Variants in ARHGAP32 observed in about 807,000 individuals in gnomAD.
The protein encoded by ARHGAP32 is Rho GTPase activating protein 32, also known as rho GTPase-activating protein 32.
A neutral mutation model predicts 186.5 loss-of-function variants in ARHGAP32; 51 were observed. That is an observed-to-expected ratio of 0.27 (90% CI 0.22 to 0.35). The LOEUF is 0.35. Ranked by LOEUF, ARHGAP32 falls within the 10% of genes least tolerant of loss-of-function variation. The probability of loss-of-function intolerance (pLI) is 1.00; values close to 1 mark genes in which losing one functional copy is unlikely to be tolerated. For missense variants in ARHGAP32, 2,186 were observed against 2,623.5 expected, an observed-to-expected ratio of 0.83 and a Z score of 3.64; for synonymous variants, 950 against 964.3, an observed-to-expected ratio of 0.99 and a Z score of 0.27.
intron 1 of ARHGAP32, among the ~76,000 whole-genome samples, chr11:129,243,886 T>G (rs1242261062): frequency 6.6e-6 from 1 of 152,224 alleles, no homozygotes; most frequent in Non-Finnish European, 1.5e-5. Context: ...CTGTGACACT[T>G]TCTTGTGTCA....
At chr11:129,032,100 G>T (rs963501842) in intron 11 of ARHGAP32, among the ~76,000 whole-genome samples, 12 of 152,114 alleles carry the variant, frequency 7.9e-5, no homozygotes, top group African/African-American at 2.7e-4. Context: ...GATTCTTCCT[G>T]GACCCCAGAC....
chr11:129,136,137 C>T (rs1942931635), intron 2 of ARHGAP32, among the ~76,000 whole-genome samples: 1 of 151,882 alleles, frequency 6.6e-6, no homozygotes, highest in South Asian at 2.1e-4. Flanking sequence ...AAAAAGACAA[C>T]CTAACAGAAA....
rs946838741 is a variant in ARHGAP32 at position 128,969,679 on chromosome 11, T to C, written c.5534A>G (p.His1845Arg). The change falls in exon 23 of 23, where the codon CAT (histidine) becomes CGT (arginine). Residue 1845 changes from histidine (H) to arginine (R), a missense_variant. Physicochemically the swap from His to Arg is conservative, Grantham distance 29. This residue lies in a region of ARHGAP32 where 1,502 missense variants were observed against 1,570.0 expected (regional missense o/e 0.96). Transcript: ENST00000682385. This position sits in a 1 kb window ranked among gnomAD's most constrained non-coding sequence, Gnocchi z 4.8. Reference protein sequence around the residue: ...PEGEDRFYRRHPEAEMDRAHH... With the variant: ...PEGEDRFYRRRPEAEMDRAHH... ...GGCTCTGTCCATCTCTGCCTCGGGA[T>C]GCCTCCTATAGAAGCGGTCCTCTCC... The C allele has an allele frequency of 6.2e-7, 1 of 1,614,048 alleles. No individual in the cohort carries two copies. Among genetic ancestry groups the C allele is most frequent in the African/African-American group, 1.3e-5 (1 of 74,926 alleles).
chr11:129,225,367 G>T (rs1031924519), intron 1 of ARHGAP32, among the ~76,000 whole-genome samples: 3 of 152,162 alleles, frequency 2.0e-5, no homozygotes, highest in Non-Finnish European at 4.4e-5. Flanking sequence ...GAGGCTCTGT[G>T]CAAGAAGGAA....
chr11:129,211,983 G>A (rs932579579), intron 1 of ARHGAP32, among the ~76,000 whole-genome samples: 1 of 151,830 alleles, frequency 6.6e-6, no homozygotes, highest in Non-Finnish European at 1.5e-5. Context: ...AGTGAGACTT[G>A]GTCTCCACAA....
At chr11:129,148,419 T>C (rs993597087) in intron 2 of ARHGAP32, among the ~76,000 whole-genome samples, 7 of 151,966 alleles carry the variant, frequency 4.6e-5, no homozygotes, top group African/African-American at 1.7e-4. Flanking sequence ...ATGAAAAACA[T>C]AAAAGTGGAA....
At chr11:129,065,131 A>C (rs990350848) in intron 7 of ARHGAP32, among the ~76,000 whole-genome samples, 198 bp from the exon 8 acceptor site, 3 of 152,116 alleles carry the variant, frequency 2.0e-5, no homozygotes, top group Admixed American at 2.0e-4. Context: ...GCAGAGCTTC[A>C]ATTTCTAGCC....
chr11:129,102,924 C>G (rs1328700290), intron 5 of ARHGAP32, among the ~76,000 whole-genome samples: 1 of 152,142 alleles, frequency 6.6e-6, no homozygotes, highest in Non-Finnish European at 1.5e-5. Context: ...ATTTGTAAAC[C>G]CATGTTCACA....
intron 11 of ARHGAP32, among the ~76,000 whole-genome samples, chr11:129,025,196 C>A (rs1000960271): frequency 8.5e-5 from 13 of 152,116 alleles, no homozygotes; most frequent in Admixed American, 8.5e-4. Flanking sequence ...GATGAGGAGA[C>A]TAAGGCAGAG....
chr11:128,970,801 A>G lies in ARHGAP32; in HGVS notation c.4412T>C (p.Leu1471Ser), dbSNP rs762813056. Reference sequence around the variant, plus strand: ...CTTAGGTTGTGGGACAGGAAGTGGTAAAGGCAATGCATCGTCCACAGAGGT... The same window carrying G: ...CTTAGGTTGTGGGACAGGAAGTGGTGAAGGCAATGCATCGTCCACAGAGGT... ...SSTSVDDALP[L>S]PLPVPQPKHA... Residue 1471 changes from leucine to serine, a missense_variant, in exon 23 of 23, where the codon TTA (leucine) becomes TCA (serine). Around this residue, in one of 5 missense-constraint regions of ARHGAP32, gnomAD observed 1,502 missense variants for 1,570.0 expected, o/e 0.96. Transcript: ENST00000682385. The surrounding 1 kb of genome is among the most constrained non-coding windows in gnomAD (Gnocchi z 5.8). 15 of 1,614,124 alleles carry G rather than the reference A, an allele frequency of 9.3e-6. No homozygotes were observed. Among genetic ancestry groups the G allele is most frequent in the Non-Finnish European group, 1.3e-5 (15 of 1,180,042 alleles).
chr11:129,003,490 C>A (rs1042748313), intron 11 of ARHGAP32, among the ~76,000 whole-genome samples: 8 of 152,162 alleles, frequency 5.3e-5, no homozygotes, highest in African/African-American at 1.9e-4. Context: ...TGGTAAAATT[C>A]AGCAGTTAAG....
At chr11:129,214,678 T>C (rs562941368) in intron 1 of ARHGAP32, among the ~76,000 whole-genome samples, 7 of 152,334 alleles carry the variant, frequency 4.6e-5, no homozygotes, top group South Asian at 2.1e-4. Flanking sequence ...GATGCAAATT[T>C]GTTTCAAATT....
intron 1 of ARHGAP32, among the ~76,000 whole-genome samples, chr11:129,228,453 TC>T (rs761175396): frequency 7.3e-4 from 111 of 152,248 alleles, no homozygotes; most frequent in Non-Finnish European, 1.3e-3. Context: ...AATTGATTCT[TC>T]CTTTTAAAAG....
At chr11:129,146,977 G>A (rs1406932085) in intron 2 of ARHGAP32, among the ~76,000 whole-genome samples, 2 of 151,860 alleles carry the variant, frequency 1.3e-5, no homozygotes, top group Non-Finnish European at 2.9e-5. Context: ...GAGAAAAAAG[G>A]GTCCCTAACT....
intron 11 of ARHGAP32, among the ~76,000 whole-genome samples, chr11:129,004,245 CT>C (rs71057919): frequency 0.34 from 39,812 of 116,032 alleles, 4,112 homozygotes; most frequent in African/African-American, 0.4. Context: ...CAATGCTTTC[CT>C]TTTTTTTTTT....
chr11:129,012,499 C>T (rs1026478089), intron 11 of ARHGAP32, among the ~76,000 whole-genome samples: 1 of 152,096 alleles, frequency 6.6e-6, no homozygotes, highest in Non-Finnish European at 1.5e-5. Context: ...TCAAAACAAA[C>T]CCAGAATGCA....
chr11:129,247,042 G>C (rs1945110074), intron 1 of ARHGAP32, among the ~76,000 whole-genome samples: 1 of 152,064 alleles, frequency 6.6e-6, no homozygotes, highest in South Asian at 2.1e-4. Context: ...ACGCTCTATA[G>C]TAAATACACT....
intron 11 of ARHGAP32, among the ~76,000 whole-genome samples, chr11:129,007,156 G>C (rs1377866399): frequency 6.6e-6 from 1 of 152,084 alleles, no homozygotes; most frequent in African/African-American, 2.4e-5. Flanking sequence ...GGCGGGTCTA[G>C]AAATGCTGAC....
intron 2 of ARHGAP32, among the ~76,000 whole-genome samples, chr11:129,129,235 T>C (rs11221574): frequency 0.022 from 1,910 of 87,940 alleles, no homozygotes; most frequent in Non-Finnish European, 0.025. Flanking sequence ...ACCCGGCAGC[T>C]GCCCCGTCTG....
Sources: allele counts gnomAD v4.1 joint callset (sites outside exome capture counted in the v4.1 genomes callset), GRCh38; gene constraint gnomAD v4.1.1; regional missense constraint gnomAD v4.1.1; non-coding constraint Gnocchi (gnomAD v3.1); transcripts MANE v1.5; gene names NCBI Gene and HGNC (gene_info 2026-07-23, HGNC 2026-07-21).